The following SLC25A13 variants were observed in gnomAD, a reference collection of about 807,000 sequenced individuals.
The protein encoded by SLC25A13 is electrogenic aspartate/glutamate antiporter SLC25A13, mitochondrial.
Under a neutral mutation model 85.5 loss-of-function variants are expected in SLC25A13, and 70 were observed. The ratio of observed to expected loss-of-function variants is 0.82; its 90% CI spans 0.68 to 1.00. The LOEUF is 1.00. Ranked by LOEUF, SLC25A13 falls within the 50% of genes least tolerant of loss-of-function variation. SLC25A13 has a pLI of 0.00. For synonymous variants in SLC25A13, 259 were observed against 288.7 expected (o/e 0.90, Z 1.04); for missense variants, 765 against 819.8 (o/e 0.93, Z 0.82).
chr7:96,278,761 C>T (rs1279261340), intron 2 of SLC25A13, among the ~76,000 whole-genome samples: 3 of 152,088 alleles, frequency 2.0e-5, no homozygotes, highest in African/African-American at 7.2e-5. Flanking sequence ...CTCAAAGATG[C>T]CCCAGTGATC....
At chr7:96,199,517 C>G (rs1240945190) in intron 5 of SLC25A13, among the ~76,000 whole-genome samples, 1 of 152,104 alleles carries the variant, frequency 6.6e-6, no homozygotes, top group South Asian at 2.1e-4. Context: ...ATGCTGCTGC[C>G]GAAGACAGTT....
chr7:96,169,888 T>A (rs1269789934), intron 13 of SLC25A13, 157 bp downstream of exon 13: 1 of 741,782 alleles, frequency 1.3e-6, no homozygotes, highest in African/African-American at 1.7e-5. Context: ...TCTGGAATGG[T>A]TCGCCTGTCT....
chr7:96,198,729 A>G (rs1361938803), intron 5 of SLC25A13, among the ~76,000 whole-genome samples: 1 of 152,202 alleles, frequency 6.6e-6, no homozygotes, highest in Non-Finnish European at 1.5e-5. Context: ...TCATAACTAG[A>G]TTTGGACAGG....
intron 1 of SLC25A13, among the ~76,000 whole-genome samples, chr7:96,307,225 A>T (rs764522037): frequency 3.9e-5 from 6 of 152,210 alleles, no homozygotes; most frequent in Non-Finnish European, 5.9e-5. Context: ...TATTTAAAAA[A>T]TTTTAAGACA....
At chr7:96,216,087 C>T (rs1419454987) in intron 4 of SLC25A13, among the ~76,000 whole-genome samples, 8 of 150,978 alleles carry the variant, frequency 5.3e-5, no homozygotes, top group East Asian at 1.9e-4. Flanking sequence ...ACCCCTGAGG[C>T]GGAGGTTGCA....
intron 9 of SLC25A13, among the ~76,000 whole-genome samples, chr7:96,185,531 G>C (rs1374827603): frequency 6.6e-6 from 1 of 152,040 alleles, no homozygotes; most frequent in East Asian, 1.9e-4. Context: ...AGGGGGCAGA[G>C]GTTGCAGTGA....
intron 14 of SLC25A13, among the ~76,000 whole-genome samples, chr7:96,140,735 C>A (rs1041868663): frequency 1.3e-5 from 2 of 151,470 alleles, no homozygotes; most frequent in Non-Finnish European, 2.9e-5. Flanking sequence ...TCCACAACCT[C>A]ACCATTGCTT....
intron 3 of SLC25A13, among the ~76,000 whole-genome samples, chr7:96,243,577 T>C (rs73710248): frequency 0.013 from 1,941 of 152,218 alleles, 43 homozygotes; most frequent in African/African-American, 0.045. Context: ...GTGATTGTAC[T>C]ACATAGCCAG....
At chr7:96,189,941 A>T (rs1285996615) in intron 7 of SLC25A13, among the ~76,000 whole-genome samples, 1 of 152,186 alleles carries the variant, frequency 6.6e-6, no homozygotes, top group Non-Finnish European at 1.5e-5. Flanking sequence ...GAAAATAAGG[A>T]ATCATATATG....
intron 2 of SLC25A13, among the ~76,000 whole-genome samples, chr7:96,294,564 C>G (rs1275862541): frequency 6.7e-6 from 1 of 149,618 alleles, no homozygotes; most frequent in Non-Finnish European, 1.5e-5. Flanking sequence ...AGCTGACATG[C>G]GCAACCTGCA....
chr7:96,155,439 A>G (rs1793223797), intron 13 of SLC25A13, among the ~76,000 whole-genome samples: 1 of 152,094 alleles, frequency 6.6e-6, no homozygotes, highest in Admixed American at 6.5e-5. Flanking sequence ...TTTCCTATGC[A>G]GTAGATTATT....
chr7:96,208,556 A>G (rs2116715668), intron 5 of SLC25A13, among the ~76,000 whole-genome samples: 1 of 147,336 alleles, frequency 6.8e-6, no homozygotes, highest in African/African-American at 2.5e-5. Context: ...CCCAGGCCGG[A>G]CTGCAGTGGT....
intron 4 of SLC25A13, among the ~76,000 whole-genome samples, chr7:96,217,654 T>C (rs1301616677): frequency 2.0e-5 from 3 of 152,160 alleles, no homozygotes; most frequent in Admixed American, 6.5e-5. Context: ...TATGATTCCA[T>C]TTATATGAAA....
chr7:96,191,510 A>G (rs1290386773), intron 6 of SLC25A13, among the ~76,000 whole-genome samples: 1 of 152,220 alleles, frequency 6.6e-6, no homozygotes, highest in East Asian at 1.9e-4. Flanking sequence ...TTATAACAGG[A>G]CTAGTAGTAA....
intron 3 of SLC25A13, among the ~76,000 whole-genome samples, chr7:96,256,928 A>G (rs1562882063): frequency 6.6e-6 from 1 of 152,218 alleles, no homozygotes; most frequent in Non-Finnish European, 1.5e-5. Flanking sequence ...AAACCACACA[A>G]CTACATGGAA....
chr7:96,317,711 A>G (rs1204576524), intron 1 of SLC25A13, among the ~76,000 whole-genome samples: 1 of 151,888 alleles, frequency 6.6e-6, no homozygotes, highest in Non-Finnish European at 1.5e-5. Context: ...AGCCCCCTGG[A>G]ATGGTTTTGG....
At chr7:96,246,263 T>C (rs1183901340) in intron 3 of SLC25A13, among the ~76,000 whole-genome samples, 2 of 152,196 alleles carry the variant, frequency 1.3e-5, no homozygotes, top group African/African-American at 4.8e-5. Context: ...GAACAGAATG[T>C]TCCCATACAT....
At chr7:96,131,404 A>G (rs561533047) in intron 15 of SLC25A13, among the ~76,000 whole-genome samples, 2 of 152,282 alleles carry the variant, frequency 1.3e-5, no homozygotes, top group Non-Finnish European at 2.9e-5. Flanking sequence ...AACCTATTCA[A>G]ATCTTTAAAA....
intron 13 of SLC25A13, among the ~76,000 whole-genome samples, chr7:96,147,662 GTAT>G (rs1396795797): frequency 6.6e-6 from 1 of 152,144 alleles, no homozygotes; most frequent in Non-Finnish European, 1.5e-5. Flanking sequence ...GGCCTTTGAA[GTAT>G]TATTTATAAA....
Sources: gnomAD v4.1 joint callset for allele counts (sites outside exome capture counted in the v4.1 genomes callset) on GRCh38, gnomAD v4.1.1 for gene constraint, MANE v1.5 for transcripts, NCBI Gene and HGNC (gene_info 2026-07-23, HGNC 2026-07-21) for gene names.